The following LITAF variants were observed in gnomAD, a reference collection of about 807,000 sequenced individuals.
The protein encoded by LITAF is lipopolysaccharide-induced tumor necrosis factor-alpha factor.
LITAF carries 9 observed loss-of-function variants against 14.5 expected under a neutral mutation model. That is an observed-to-expected ratio of 0.62 (90% CI 0.37 to 1.08). The LOEUF (loss-of-function observed/expected upper bound fraction) is 1.08, where lower values mean the gene tolerates loss of function less well. Among genes scored for constraint, LITAF ranks in the 50% least tolerant of loss-of-function variants. The pLI, the probability that LITAF is intolerant of heterozygous loss-of-function variation, is 0.01. For synonymous variants in LITAF, 98 were observed against 88.2 expected (o/e 1.11, Z -0.62); for missense variants, 206 against 213.4 (o/e 0.97, Z 0.22).
At chr16:11,603,713 A>T (rs1430250861) in intron 3 of LITAF, among the ~76,000 whole-genome samples, 1 of 152,204 alleles carries the variant, frequency 6.6e-6, no homozygotes, top group Non-Finnish European at 1.5e-5. Flanking sequence ...TAGCTGACAA[A>T]GAGCTCTCAG....
At chr16:11,616,092 C>A (rs2065018341) in intron 3 of LITAF, among the ~76,000 whole-genome samples, 2 of 152,196 alleles carry the variant, frequency 1.3e-5, no homozygotes, top group South Asian at 4.1e-4. Flanking sequence ...GGCACCCCAA[C>A]TCCACGGGGA....
chr16:11,596,645 T>G (rs1171041734), intron 1 of LITAF, among the ~76,000 whole-genome samples: 24 of 44,408 alleles, frequency 5.4e-4, no homozygotes, highest in East Asian at 1.7e-3. Flanking sequence ...GGGAAAAGGA[T>G]GAGGGGGAGA....
intron 1 of LITAF, among the ~76,000 whole-genome samples, chr16:11,573,701 CTT>C (rs58695999): frequency 0.027 from 3,040 of 111,882 alleles, 124 homozygotes; most frequent in African/African-American, 0.097. Flanking sequence ...AGAAGATATC[CTT>C]TTTTTTTTTT....
chr16:11,628,142 G>T (rs533680116), intron 3 of LITAF, among the ~76,000 whole-genome samples: 1 of 151,756 alleles, frequency 6.6e-6, no homozygotes, highest in African/African-American at 2.4e-5. Flanking sequence ...TTCCCATTCT[G>T]TGGTAATGAA....
upstream of LITAF, among the ~76,000 whole-genome samples, chr16:11,591,206 CAG>C (rs1268854516): frequency 1.0e-4 from 12 of 118,474 alleles, 5 homozygotes; most frequent in African/African-American, 4.8e-4. Context: ...GTTTTTGAGA[CAG>C]AGTCTTATTC....
intron 1 of LITAF, among the ~76,000 whole-genome samples, chr16:11,562,745 A>C (rs991940680): frequency 6.6e-6 from 1 of 151,978 alleles, no homozygotes; most frequent in African/African-American, 2.4e-5. Context: ...AATGGTACAA[A>C]AATTAGCCGG....
chr16:11,629,792 C>G (rs1001298185), intron 3 of LITAF, among the ~76,000 whole-genome samples: 1 of 152,166 alleles, frequency 6.6e-6, no homozygotes, highest in African/African-American at 2.4e-5. Context: ...AAGTCTCCAG[C>G]GTGGAGCTCC....
At chr16:11,594,692 A>G (rs760008322) in intron 1 of LITAF, among the ~76,000 whole-genome samples, 3 of 152,004 alleles carry the variant, frequency 2.0e-5, no homozygotes, top group African/African-American at 4.8e-5. Context: ...CGTGGTCAGC[A>G]TAGTGAAACC....
intron 3 of LITAF, among the ~76,000 whole-genome samples, chr16:11,604,892 C>A (rs2064947021): frequency 6.6e-6 from 1 of 152,040 alleles, no homozygotes; most frequent in African/African-American, 2.4e-5. Context: ...AGGCTGGGAC[C>A]CACCCACGCC....
At chr16:11,629,528 G>T (rs1253530443) in intron 3 of LITAF, among the ~76,000 whole-genome samples, 1 of 152,148 alleles carries the variant, frequency 6.6e-6, no homozygotes, top group Non-Finnish European at 1.5e-5. Context: ...GTCCTTCTGG[G>T]GTCCCTCTGG....
intron 3 of LITAF, among the ~76,000 whole-genome samples, chr16:11,552,911 C>A (rs191972865): frequency 9.3e-4 from 139 of 150,218 alleles, no homozygotes; most frequent in African/African-American, 3.1e-3. Context: ...GTCAGGAGTT[C>A]GAGACCAGCC....
chr16:11,637,725 T>A (rs575619733), upstream of LITAF, among the ~76,000 whole-genome samples: 2 of 151,388 alleles, frequency 1.3e-5, no homozygotes, highest in East Asian at 3.9e-4. Flanking sequence ...CCACAAAAAA[T>A]TTAAAAATTA....
chr16:11,576,031 C>G (rs187253861), intron 1 of LITAF, among the ~76,000 whole-genome samples: 1 of 152,264 alleles, frequency 6.6e-6, no homozygotes, highest in African/African-American at 2.4e-5. Flanking sequence ...CAGGCACATG[C>G]CACCATGATT....
intron 3 of LITAF, among the ~76,000 whole-genome samples, chr16:11,614,895 A>G (rs950851349): frequency 6.6e-6 from 1 of 152,192 alleles, no homozygotes; most frequent in Non-Finnish European, 1.5e-5. Flanking sequence ...AGGCAGTTCT[A>G]ACGGCAGGGA....
In LITAF at chr16:11,547,845, C is replaced by T. The variant is rs914828826; in HGVS notation, c.*1792G>A. ...TTAGCAAATCCACCCAACTCAACATCGGTCATCTTGACATTGCAGGATATT... is the reference window on the plus strand; with the variant it reads ...TTAGCAAATCCACCCAACTCAACATTGGTCATCTTGACATTGCAGGATATT... On this transcript the variant is annotated 3_prime_UTR_variant, in exon 4 of 4. Coordinates refer to ENST00000622633, the MANE Select transcript of LITAF (RefSeq NM_001136472.2). The T allele has an allele frequency of 1.5e-5, 7 of 454,000 alleles. No individual in the cohort carries two copies. The highest frequency in any genetic ancestry group is 4.0e-5 in the African/African-American group (2 of 50,002). The allele number at this position is 454,000 out of a possible 1,614,324, so 28.1% of individuals were successfully genotyped here.
chr16:11,624,202 T>C lies in LITAF; in HGVS notation c.85+9331A>G, dbSNP rs1481794583. 3.3e-5 allele frequency among the ~76,000 whole-genome samples: 5 copies of C among 152,226 alleles called. No homozygotes were observed. In the East Asian group the frequency reaches 9.6e-4, roughly 29 times the overall value. ...TCCTCTGTGATTGTATCATTCATTA[T>C]CAGGTAGGCCTTTCCCTCAGAGGGG... On this transcript the variant is annotated intron_variant, in intron 3 of 3. Transcript: ENST00000574848.
At position 11,549,916 on chromosome 16, in the gene LITAF, G is replaced by T; in HGVS notation, c.378-171C>A. ...TCCAGGCGGACCCCTAAAACCCAAT[G>T]ACCTTAGAAGAAGAGGAGAGGACAC... On this transcript the variant is annotated intron_variant, in intron 3 of 3. Transcript: ENST00000622633. This position sits in a 1 kb window ranked among gnomAD's most constrained non-coding sequence, Gnocchi z 4.6. 1.6e-6 allele frequency: 1 copy of T among 637,942 alleles called. No homozygotes were observed. The highest frequency in any genetic ancestry group is 2.9e-6 in the Non-Finnish European group (1 of 344,654). The allele number at this position is 637,942 out of a possible 1,614,324, so 39.5% of individuals were successfully genotyped here.
At chr16:11,590,140 A>G (rs554889600), upstream of LITAF, among the ~76,000 whole-genome samples, 117 of 114,676 alleles carry the variant, frequency 1.0e-3, 29 homozygotes, top group East Asian at 3.5e-3. Context: ...AAAAAAAAAA[A>G]AGAGAGAGAG....
chr16:11,606,111 G>C (rs926900333), intron 3 of LITAF, among the ~76,000 whole-genome samples: 21 of 152,212 alleles, frequency 1.4e-4, no homozygotes, highest in African/African-American at 4.8e-4. Flanking sequence ...TCACCATCTG[G>C]TCTGTCTGAT....
Sources: allele counts gnomAD v4.1 joint callset (sites outside exome capture counted in the v4.1 genomes callset), GRCh38; gene constraint gnomAD v4.1.1; non-coding constraint Gnocchi (gnomAD v3.1); transcripts MANE v1.5; gene names NCBI Gene and HGNC (gene_info 2026-07-23, HGNC 2026-07-21).